The following PHEX variants were observed in gnomAD, a reference collection of about 807,000 sequenced individuals.
PHEX encodes phosphate regulating endopeptidase X-linked, also known as phosphate-regulating neutral endopeptidase PHEX.
PHEX carries 16 observed loss-of-function variants against 68.0 expected under a neutral mutation model. The observed-to-expected ratio is 0.24, with a 90% confidence interval of 0.16 to 0.36. PHEX has a LOEUF of 0.36. PHEX is among the 10% of genes least tolerant of loss of function. PHEX has a pLI of 1.00. For missense variants in PHEX, 480 were observed against 575.5 expected (o/e 0.83, Z 1.70); for synonymous variants, 208 against 205.1 (o/e 1.01, Z -0.12).
intron 20 of PHEX, among the ~76,000 whole-genome samples, chrX:22,241,807 T>C (rs1351603805): frequency 8.9e-6 from 1 of 111,739 alleles, no homozygotes; most frequent in African/African-American, 3.3e-5. Context: ...AAAAAAGTTG[T>C]TGAGGACCAG....
At chrX:22,088,206 C>T (rs1602282820) in intron 5 of PHEX, among the ~76,000 whole-genome samples, 1 of 111,643 alleles carries the variant, frequency 9.0e-6, no homozygotes, top group African/African-American at 3.3e-5. Context: ...CATTGTATAC[C>T]ACAGTTTATG....
At chrX:22,153,743 A>G (rs193133319) in intron 12 of PHEX, among the ~76,000 whole-genome samples, 37 of 112,077 alleles carry the variant, frequency 3.3e-4, no homozygotes, top group Non-Finnish European at 5.8e-4. Flanking sequence ...CACATGCACA[A>G]ATAAATGAAG....
intron 15 of PHEX, among the ~76,000 whole-genome samples, chrX:22,207,383 G>A (rs750293837): frequency 1.8e-5 from 2 of 111,830 alleles, no homozygotes; most frequent in South Asian, 7.3e-4. Context: ...TATAAGCTTA[G>A]TTAACTGTTT....
chrX:22,046,956 A>C (rs1346547700), intron 2 of PHEX, 94 bp from the exon 3 acceptor site: 3 of 750,422 alleles, frequency 4.0e-6, no homozygotes, highest in Non-Finnish European at 6.2e-6. Flanking sequence ...AAGGCTTGGA[A>C]ACTGGTTGAT....
intron 11 of PHEX, among the ~76,000 whole-genome samples, chrX:22,117,915 C>T (rs534574660): frequency 9.2e-6 from 1 of 109,171 alleles, no homozygotes; most frequent in Non-Finnish European, 1.9e-5. Context: ...TTACAGGGCT[C>T]CCATCCAAGA....
intron 9 of PHEX, 23 bp downstream of exon 9, chrX:22,099,174 T>C (rs1375490528): frequency 3.4e-6 from 4 of 1,176,854 alleles, no homozygotes; most frequent in East Asian, 3.0e-5. Context: ...ACATGAATTT[T>C]ACTGTGACTT....
At chrX:22,038,071 G>T (rs1270427298) in intron 1 of PHEX, among the ~76,000 whole-genome samples, 2 of 110,817 alleles carry the variant, frequency 1.8e-5, no homozygotes, top group Non-Finnish European at 3.8e-5. Flanking sequence ...GCATGTATCG[G>T]AATCACCTGG....
intron 9 of PHEX, among the ~76,000 whole-genome samples, chrX:22,100,161 C>T (rs1010747678): frequency 5.4e-5 from 6 of 111,924 alleles, no homozygotes; most frequent in Non-Finnish European, 7.5e-5. Flanking sequence ...TCTAGAGGTA[C>T]GTAATTATAT....
intron 3 of PHEX, among the ~76,000 whole-genome samples, chrX:22,074,988 A>G (rs1241202105): frequency 1.8e-5 from 2 of 108,597 alleles, no homozygotes; most frequent in Non-Finnish European, 3.8e-5. Context: ...GAGACAGGAG[A>G]ATTGCTTGAA....
intron 3 of PHEX, among the ~76,000 whole-genome samples, chrX:22,061,780 G>A (rs1928376328): frequency 9.0e-6 from 1 of 111,703 alleles, no homozygotes; most frequent in African/African-American, 3.3e-5. Flanking sequence ...TGAAAACTAG[G>A]AAGGTGATAT....
chrX:22,078,485 C>T (rs1011816896), intron 5 of PHEX, among the ~76,000 whole-genome samples: 11 of 112,140 alleles, frequency 9.8e-5, no homozygotes, highest in African/African-American at 2.9e-4. Context: ...CTGATTTTCT[C>T]CCCAATTCTG....
At chrX:22,118,339 CA>C (rs1157170753) in intron 11 of PHEX, among the ~76,000 whole-genome samples, 5,086 of 20,709 alleles carry the variant, frequency 0.25, 267 homozygotes, top group Non-Finnish European at 0.33. Flanking sequence ...TAAACAGCAC[CA>C]AAAAAAAAAA....
intron 12 of PHEX, among the ~76,000 whole-genome samples, chrX:22,141,674 A>G (rs1219334149): frequency 1.8e-5 from 2 of 111,573 alleles, no homozygotes; most frequent in African/African-American, 6.5e-5. Flanking sequence ...TTCAAAAAGT[A>G]TATTTCTGGA....
Position 22,248,353 on chromosome X carries a change from G to A in PHEX, c.*400G>A. On this transcript the variant is annotated 3_prime_UTR_variant, in exon 22 of 22. Transcript: ENST00000379374. ...AAAAGTTCAATCTATTAAACTTGTAGCCTCTCAATGATGAAGACATGTGCA... is the reference window on the plus strand; with the variant it reads ...AAAAGTTCAATCTATTAAACTTGTAACCTCTCAATGATGAAGACATGTGCA... 3 of 181,492 alleles carry A rather than the reference G, an allele frequency of 1.7e-5. No homozygotes were observed. The East Asian group carries it at 3.9e-4, about 24-fold the overall frequency. The allele number at this position is 181,492 out of a possible 1,213,427, so 15.0% of individuals were successfully genotyped here. A position where few individuals can be genotyped will look rare whatever the true frequency, so the allele number is the denominator to read the frequency against.
chrX:22,166,930 G>A (rs190951091), intron 12 of PHEX, among the ~76,000 whole-genome samples: 23 of 111,918 alleles, frequency 2.1e-4, no homozygotes, highest in East Asian at 2.8e-4. Context: ...ATTCATCCAC[G>A]TTGTCACAAA....
intron 3 of PHEX, among the ~76,000 whole-genome samples, chrX:22,063,554 T>G (rs16981733): frequency 0.044 from 4,964 of 111,603 alleles, 275 homozygotes; most frequent in African/African-American, 0.15. Context: ...GGCAATTGTG[T>G]TTCGCCTGAG....
intron 5 of PHEX, among the ~76,000 whole-genome samples, chrX:22,079,525 A>G (rs1249660300): frequency 4.5e-5 from 5 of 111,538 alleles, no homozygotes; most frequent in Non-Finnish European, 7.5e-5. Flanking sequence ...AACCAAAAAG[A>G]TAATCATAAT....
chrX:22,119,102 G>A (rs1254202875), intron 11 of PHEX, among the ~76,000 whole-genome samples: 1 of 111,474 alleles, frequency 9.0e-6, no homozygotes, highest in African/African-American at 3.3e-5. Flanking sequence ...TGTTGCCCAG[G>A]CTGGAGTGCA....
intron 9 of PHEX, among the ~76,000 whole-genome samples, chrX:22,101,106 G>A (rs1386480463): frequency 2.7e-5 from 3 of 111,823 alleles, no homozygotes; most frequent in Non-Finnish European, 5.6e-5. Context: ...AACCCAGGAG[G>A]TGGAGGTTGC....
Sources: allele counts gnomAD v4.1 joint callset (sites outside exome capture counted in the v4.1 genomes callset), GRCh38; gene constraint gnomAD v4.1.1; transcripts MANE v1.5; gene names NCBI Gene and HGNC (gene_info 2026-07-23, HGNC 2026-07-21).